The following SRGAP2C variants were observed in gnomAD, a reference collection of about 807,000 sequenced individuals.
The protein encoded by SRGAP2C is SLIT-ROBO Rho GTPase-activating protein 2C.
Under a neutral mutation model 25.1 loss-of-function variants are expected in SRGAP2C, and 15 were observed. That is an observed-to-expected ratio of 0.60 (90% CI 0.40 to 0.92). SRGAP2C has a LOEUF of 0.92. Among genes scored for constraint, SRGAP2C ranks in the 40% least tolerant of loss-of-function variants. The pLI, the probability that SRGAP2C is intolerant of heterozygous loss-of-function variation, is 0.00. For missense variants in SRGAP2C, 144 were observed against 264.4 expected (o/e 0.54, Z 3.16); for synonymous variants, 44 against 96.6 (o/e 0.46, Z 3.19).
At chr1:121,260,192 T>C (rs1656591309) in intron 2 of SRGAP2C, among the ~76,000 whole-genome samples, 2 of 147,720 alleles carry the variant, frequency 1.4e-5, no homozygotes, top group South Asian at 4.4e-4. Flanking sequence ...AAATAAGGGG[T>C]AGGGAGCTTT....
chr1:121,346,659 C>T (rs2101628729), intron 4 of SRGAP2C, among the ~76,000 whole-genome samples: 1 of 152,164 alleles, frequency 6.6e-6, no homozygotes, highest in Admixed American at 6.5e-5. Flanking sequence ...GAGGGTACAC[C>T]CCTCTTATAT....
chr1:121,279,438 A>T (rs1433674765), intron 2 of SRGAP2C, among the ~76,000 whole-genome samples: 6 of 146,020 alleles, frequency 4.1e-5, no homozygotes, highest in East Asian at 4.2e-4. Flanking sequence ...CAGTTTTCAG[A>T]GGACTGTGTC....
intron 2 of SRGAP2C, among the ~76,000 whole-genome samples, chr1:121,253,663 C>T (rs1656385413): frequency 6.7e-6 from 1 of 150,184 alleles, no homozygotes; most frequent in Non-Finnish European, 1.5e-5. Flanking sequence ...GTCTGCTTGG[C>T]AGTGACCAGC....
intron 2 of SRGAP2C, among the ~76,000 whole-genome samples, chr1:121,278,295 C>T (rs1385453996): frequency 6.6e-6 from 1 of 150,568 alleles, no homozygotes; most frequent in Non-Finnish European, 1.5e-5. Context: ...AAAAGACTAT[C>T]AGTCACACTC....
intron 2 of SRGAP2C, among the ~76,000 whole-genome samples, chr1:121,224,022 C>A (rs1246263301): frequency 6.6e-6 from 1 of 152,116 alleles, no homozygotes; most frequent in African/African-American, 2.4e-5. Context: ...GTCATTGAGT[C>A]TTTGGACAAA....
chr1:121,309,314 A>G (rs1657924749), intron 3 of SRGAP2C, among the ~76,000 whole-genome samples: 1 of 139,514 alleles, frequency 7.2e-6, no homozygotes. Flanking sequence ...TAAAAGATAA[A>G]CAGTTATTCA....
At chr1:121,249,568 ATATATATATATATTTTTTT>A (rs1489905370) in intron 2 of SRGAP2C, among the ~76,000 whole-genome samples, 4 of 36,926 alleles carry the variant, frequency 1.1e-4, no homozygotes, top group African/African-American at 2.2e-4. Context: ...ATATATATAT[ATATATATATATATTTTTTT>A]TTTTTTTTTT....
chr1:121,339,068 A>T (rs1553342793), intron 4 of SRGAP2C, among the ~76,000 whole-genome samples: 20 of 151,802 alleles, frequency 1.3e-4, no homozygotes, highest in Admixed American at 7.2e-4. Flanking sequence ...ACATTTTTTT[A>T]AAAATGAGAG....
At chr1:121,337,633 A>AT (rs1658546226) in intron 4 of SRGAP2C, among the ~76,000 whole-genome samples, 37 of 107,262 alleles carry the variant, frequency 3.4e-4, no homozygotes, top group African/African-American at 4.6e-4. Context: ...CTCCGACTCA[A>AT]AAAATAAATA....
chr1:121,192,388 C>A (rs1179684127), intron 2 of SRGAP2C, among the ~76,000 whole-genome samples: 2 of 151,738 alleles, frequency 1.3e-5, no homozygotes, highest in South Asian at 4.2e-4. Context: ...AAAACAACAA[C>A]AAAAAAAGCT....
At chr1:121,362,208 G>A (rs1258708489) in intron 4 of SRGAP2C, 2 of 95,712 alleles carry the variant, frequency 2.1e-5, no homozygotes, top group Non-Finnish European at 4.2e-5. Flanking sequence ...AACAGAGAAC[G>A]AATGGCCTTT....
chr1:121,335,229 T>C, intron 4 of SRGAP2C, among the ~76,000 whole-genome samples: 1 of 149,260 alleles, frequency 6.7e-6, no homozygotes, highest in South Asian at 2.1e-4. Context: ...GAAGGTGGAG[T>C]TTGCAAGAGG....
intron 2 of SRGAP2C, among the ~76,000 whole-genome samples, chr1:121,258,595 A>G (rs1553332920): frequency 6.6e-6 from 1 of 150,866 alleles, no homozygotes; most frequent in African/African-American, 2.4e-5. Flanking sequence ...CCTCCTGAGT[A>G]GCTGGGATTA....
At chr1:121,337,647 A>AAATG (rs1315185620) in intron 4 of SRGAP2C, among the ~76,000 whole-genome samples, 7 of 149,090 alleles carry the variant, frequency 4.7e-5, no homozygotes, top group Admixed American at 1.3e-4. Context: ...ATAAATAAAT[A>AAATG]AATAAATAAA....
intron 4 of SRGAP2C, among the ~76,000 whole-genome samples, chr1:121,334,454 CTT>C (rs1332492677): frequency 6.7e-6 from 1 of 150,228 alleles, no homozygotes; most frequent in Admixed American, 6.7e-5. Context: ...AATATATCAT[CTT>C]TTTGTTTGTT....
chr1:121,282,553 C>CT (rs1385137986), intron 2 of SRGAP2C, among the ~76,000 whole-genome samples: 6 of 151,022 alleles, frequency 4.0e-5, no homozygotes, highest in Non-Finnish European at 5.9e-5. Flanking sequence ...CGCCTTGGTT[C>CT]TTTTTTTTGT....
At chr1:121,276,124 G>A (rs1354117764) in intron 2 of SRGAP2C, among the ~76,000 whole-genome samples, 3 of 80,624 alleles carry the variant, frequency 3.7e-5, no homozygotes, top group Non-Finnish European at 7.4e-5. Context: ...TCTAAAGTAC[G>A]TGTTATTGCT....
chr1:121,271,446 G>T (rs1656957094), intron 2 of SRGAP2C, among the ~76,000 whole-genome samples: 1 of 151,544 alleles, frequency 6.6e-6, no homozygotes, highest in Non-Finnish European at 1.5e-5. Context: ...GGCAAAGGAG[G>T]AGGATACGGA....
chr1:121,383,514 G>T (rs1659883890), intron 8 of SRGAP2C, among the ~76,000 whole-genome samples: 1 of 142,166 alleles, frequency 7.0e-6, no homozygotes, highest in Admixed American at 7.2e-5. Context: ...AAAAAGAATG[G>T]GTACCTGCAG....
Sources: gnomAD v4.1 joint callset for allele counts (sites outside exome capture counted in the v4.1 genomes callset) on GRCh38, gnomAD v4.1.1 for gene constraint, MANE v1.5 for transcripts, NCBI Gene and HGNC (gene_info 2026-07-23, HGNC 2026-07-21) for gene names.